Variants in ENPEP observed in about 807,000 individuals in gnomAD.
ENPEP encodes AP-A.
ENPEP carries 103 observed loss-of-function variants against 114.5 expected under a neutral mutation model. The ratio of observed to expected loss-of-function variants is 0.90; its 90% CI spans 0.77 to 1.06. The LOEUF (loss-of-function observed/expected upper bound fraction) is 1.06. Ranked by LOEUF, ENPEP falls within the 50% of genes least tolerant of loss-of-function variation. ENPEP has a pLI of 0.00. For missense variants in ENPEP, 1,196 were observed against 1,161.3 expected, an observed-to-expected ratio of 1.03 and a Z score of -0.43; for synonymous variants, 420 against 422.0, an observed-to-expected ratio of 1.00 and a Z score of 0.06.
chr4:110,519,285 T>C, intron 8 of ENPEP: 1 of 290,980 alleles, frequency 3.4e-6, no homozygotes, highest in Non-Finnish European at 7.0e-6. Flanking sequence ...GAAAATGATA[T>C]GTGCAAAGTT....
chr4:110,520,073 GGTAAGGAAGA>G lies in ENPEP; in HGVS notation c.1575+4_1575+13del. The stretch of plus-strand genomic sequence containing the variant: ...CTGATTTTTGGGCAGCACTGGAAGA[GGTAAGGAAGA>G]GTATATGTCCCCAAATATTTCTTTG... On this transcript the variant is annotated splice_donor_variant and splice_donor_5th_base_variant and intron_variant, in intron 9 of 19. Transcript: ENST00000265162. LOFTEE classifies it high-confidence loss of function. 3.1e-6 allele frequency: 5 copies of G among 1,613,814 alleles called. No homozygotes were observed. Among genetic ancestry groups the G allele is most frequent in the Non-Finnish European group, 4.2e-6 (5 of 1,179,778 alleles).
At chr4:110,549,152 A>T (rs1391902600) in intron 14 of ENPEP, among the ~76,000 whole-genome samples, 194 bp from the exon 15 acceptor site, 1 of 152,022 alleles carries the variant, frequency 6.6e-6, no homozygotes, top group Non-Finnish European at 1.5e-5. Context: ...AAGGTCCGGG[A>T]TGGTTTATAT....
intron 1 of ENPEP, among the ~76,000 whole-genome samples, chr4:110,477,718 G>A (rs933625900): frequency 1.3e-5 from 2 of 152,148 alleles, no homozygotes; most frequent in Non-Finnish European, 2.9e-5. Flanking sequence ...GGTAAATTTG[G>A]AGGCTTGTTG....
rs376133149 is a variant in ENPEP, at chr4:110,513,456, G to A, written c.1350G>A (p.Glu450=). 6.2e-7 allele frequency: 1 copy of A among 1,613,254 alleles called. No individual in the cohort carries two copies. The highest frequency in any genetic ancestry group is 8.5e-7 in the Non-Finnish European group (1 of 1,179,558). ...MLLEDVLPVQ[E]DDSLMSSHPI... is the part of the protein sequence containing the mutation. ...TTGAAGATGTATTACCTGTTCAAGA[G>A]GATGATTCTTTGATGTCTTCGCATC... Residue 450 remains glutamate (E), a synonymous_variant, in exon 7 of 20, where the codon GAG becomes GAA. Coordinates refer to ENST00000265162, the MANE Select transcript of ENPEP (RefSeq NM_001977.4).
At chr4:110,554,043 C>A (rs549178875) in intron 18 of ENPEP, among the ~76,000 whole-genome samples, 34 of 152,052 alleles carry the variant, frequency 2.2e-4, no homozygotes, top group African/African-American at 8.2e-4. Flanking sequence ...TCCTCAGGCC[C>A]GTGCAGAAGA....
At chr4:110,534,476 C>T (rs916873821) in intron 11 of ENPEP, among the ~76,000 whole-genome samples, 6 of 143,324 alleles carry the variant, frequency 4.2e-5, no homozygotes, top group Non-Finnish European at 3.0e-5. Context: ...TGTTATTAAG[C>T]TTCATATGTT....
At chr4:110,518,548 G>A (rs944332909) in intron 8 of ENPEP, among the ~76,000 whole-genome samples, 1 of 152,180 alleles carries the variant, frequency 6.6e-6, no homozygotes, top group Non-Finnish European at 1.5e-5. Context: ...TATAAAATTA[G>A]TACCTTTTAA....
chr4:110,534,052 C>T (rs1306798899), intron 11 of ENPEP, among the ~76,000 whole-genome samples: 3 of 152,102 alleles, frequency 2.0e-5, no homozygotes, highest in Admixed American at 6.6e-5. Context: ...ACAATAAGTT[C>T]CTGTTTCCTG....
chr4:110,483,141 GAA>G (rs559473450), intron 1 of ENPEP, among the ~76,000 whole-genome samples: 1 of 148,702 alleles, frequency 6.7e-6, no homozygotes, highest in African/African-American at 2.5e-5. Flanking sequence ...CTTCTACATA[GAA>G]AAAAAAAATT....
At chr4:110,499,264 AT>A (rs752182641) in intron 3 of ENPEP, among the ~76,000 whole-genome samples, 2 of 152,214 alleles carry the variant, frequency 1.3e-5, no homozygotes, top group African/African-American at 4.8e-5. Flanking sequence ...CATGTCAAAC[AT>A]TGCTTATGTG....
chr4:110,487,221 T>G (rs1336831776), intron 1 of ENPEP, among the ~76,000 whole-genome samples: 3 of 152,242 alleles, frequency 2.0e-5, no homozygotes, highest in African/African-American at 7.2e-5. Context: ...TCTAATCTTG[T>G]AGCTAATTTG....
At chr4:110,553,492 T>C (rs1291447382) in intron 18 of ENPEP, 37 bp downstream of exon 18, 1 of 1,588,376 alleles carries the variant, frequency 6.3e-7, no homozygotes, top group Non-Finnish European at 8.6e-7. Flanking sequence ...GTTTTCTTTG[T>C]TTCATACTAT....
intron 1 of ENPEP, among the ~76,000 whole-genome samples, chr4:110,478,957 T>C (rs1217584419): frequency 3.9e-5 from 6 of 152,226 alleles, no homozygotes; most frequent in Non-Finnish European, 5.9e-5. Context: ...GGTCAAAGTG[T>C]ACAAATATAC....
At chr4:110,479,250 C>G (rs755913386) in intron 1 of ENPEP, among the ~76,000 whole-genome samples, 1 of 152,040 alleles carries the variant, frequency 6.6e-6, no homozygotes, top group Non-Finnish European at 1.5e-5. Flanking sequence ...ACAAATGATT[C>G]GATGGATACA....
chr4:110,561,891 G>T lies in ENPEP; in HGVS notation c.*333G>T. ...TGTGAAGTAGAACAATTTGGTCTTA[G>T]CTTTACATTTTCAGTACCAAAGAAA... On this transcript the variant is annotated 3_prime_UTR_variant, in exon 20 of 20. Transcript: ENST00000265162. 1 of 171,040 alleles carries T rather than the reference G, an allele frequency of 5.8e-6. No homozygotes were observed. The highest frequency in any genetic ancestry group is 1.7e-4 in the East Asian group (1 of 5,926). 10.6% of individuals were successfully genotyped at this position (171,040 alleles called of 1,614,324 possible).
At position 110,477,076 on chromosome 4, in the gene ENPEP, C is replaced by T; in HGVS notation, c.644+18C>T. ...CAAGTCAAGTAAATATTAATTTTTGCTTTACCTCCCTTAAGCTCACATATC... is the reference window on the plus strand; with the variant it reads ...CAAGTCAAGTAAATATTAATTTTTGTTTTACCTCCCTTAAGCTCACATATC... On this transcript the variant is annotated intron_variant, in intron 1 of 19. Transcript: ENST00000265162. 6.2e-7 allele frequency: 1 copy of T among 1,603,790 alleles called. No individual in the cohort carries two copies. Among genetic ancestry groups the T allele is most frequent in the African/African-American group, 1.3e-5 (1 of 74,648 alleles).
chr4:110,482,638 G>T (rs181554908), intron 1 of ENPEP, among the ~76,000 whole-genome samples: 2 of 152,252 alleles, frequency 1.3e-5, no homozygotes, highest in South Asian at 2.1e-4. Flanking sequence ...AATTTTTGTC[G>T]TATGTCAGTT....
chr4:110,477,088 T>A, intron 1 of ENPEP, 30 bp downstream of exon 1: 3 of 1,590,000 alleles, frequency 1.9e-6, no homozygotes, highest in Non-Finnish European at 2.6e-6. Context: ...TTACCTCCCT[T>A]AAGCTCACAT....
chr4:110,513,663 G>A (rs1282301448), intron 7 of ENPEP, 114 bp downstream of exon 7: 1 of 1,314,542 alleles, frequency 7.6e-7, no homozygotes, highest in Non-Finnish European at 1.0e-6. Context: ...TTGGAAAACA[G>A]TGTAGAAGTT....
Sources: gnomAD v4.1 joint callset for allele counts (sites outside exome capture counted in the v4.1 genomes callset) on GRCh38, gnomAD v4.1.1 for gene constraint, MANE v1.5 for transcripts, NCBI Gene and HGNC (gene_info 2026-07-23, HGNC 2026-07-21) for gene names.